The following GTF3C1 variants were observed in gnomAD, a reference collection of about 807,000 sequenced individuals.
The protein encoded by GTF3C1 is general transcription factor 3C polypeptide 1.
Under a neutral mutation model 226.7 loss-of-function variants are expected in GTF3C1, and 57 were observed. That is an observed-to-expected ratio of 0.25 (90% confidence interval 0.20 to 0.31). The LOEUF (loss-of-function observed/expected upper bound fraction) is 0.31, where lower values mean the gene tolerates loss of function less well. GTF3C1 is among the 10% of genes least tolerant of loss of function. The probability of loss-of-function intolerance (pLI) is 1.00; values close to 1 mark genes in which losing one functional copy is unlikely to be tolerated. For synonymous variants in GTF3C1, 1,090 were observed against 1,084.8 expected (o/e 1.00, Z -0.09); for missense variants, 2,217 against 2,776.1 (o/e 0.80, Z 4.53).
Position 27,461,396 on chromosome 16 carries a change from C to T in GTF3C1, c.6284G>A (p.Arg2095His), listed in dbSNP as rs142271498. The T allele has an allele frequency of 1.4e-4, 224 of 1,613,482 alleles. No homozygotes were observed. The highest frequency in any genetic ancestry group is 4.7e-4 in the East Asian group (21 of 44,870). Residue 2095 changes from arginine (R) to histidine (H), a missense_variant, in exon 37 of 37, where the codon CGT becomes CAT. Arg to His is a conservative substitution (Grantham distance 29). Coordinates refer to ENST00000356183, the MANE Select transcript of GTF3C1 (RefSeq NM_001520.4). The surrounding 1 kb of genome is among the most constrained non-coding windows in gnomAD (Gnocchi z 5.3). ...PTLDCTLRLG[R>H]VFPHEVNWNK... The stretch of plus-strand genomic sequence containing the variant: ...CCAGTTGACCTCGTGGGGGAACACA[C>T]GGCCCAGCCGGAGGGTACAGTCCAA...
chr16:27,515,028 A>G (rs1038418461), intron 6 of GTF3C1, among the ~76,000 whole-genome samples: 2 of 152,188 alleles, frequency 1.3e-5, no homozygotes, highest in African/African-American at 4.8e-5. Context: ...TTAAGAGGCT[A>G]ATTGGCTAGG....
At chr16:27,503,188 A>T (rs1014413386) in intron 10 of GTF3C1, among the ~76,000 whole-genome samples, 193 bp from the exon 11 acceptor site, 9 of 152,126 alleles carry the variant, frequency 5.9e-5, no homozygotes, top group Non-Finnish European at 1.0e-4. Context: ...AATCAAAGAC[A>T]TTGGCCAGCA....
chr16:27,471,335 G>A lies in GTF3C1; in HGVS notation c.4526+413C>T, dbSNP rs1036958849. 2.0e-5 allele frequency among the ~76,000 whole-genome samples: 3 copies of A among 152,192 alleles called. No individual in the cohort carries two copies. The highest frequency in any genetic ancestry group is 3.9e-4 in the East Asian group (2 of 5,190). On this transcript the variant is annotated intron_variant, in intron 30 of 36. Transcript: ENST00000356183. This position sits in a 1 kb window ranked among gnomAD's most constrained non-coding sequence, Gnocchi z 5.0. ...AGGATGCCTGTCTGAATGCACCTCC[G>A]CACCCCAATCCTGCACTGGCTGTTG... is the stretch of plus-strand genomic sequence containing the variant.
Position 27,495,483 on chromosome 16 carries a change from A to C in GTF3C1, c.2360T>G (p.Leu787Arg). 1.9e-6 allele frequency: 3 copies of C among 1,613,098 alleles called. No individual in the cohort carries two copies. Among genetic ancestry groups the C allele is most frequent in the Non-Finnish European group, 2.5e-6 (3 of 1,179,442 alleles). Residue 787 changes from leucine to arginine, a missense_variant, in exon 15 of 37, where the codon CTG becomes CGG. Coordinates refer to ENST00000356183, the MANE Select transcript of GTF3C1 (RefSeq NM_001520.4). ...GGGCAGAAATCCTAGAGAACGCCCC[A>C]GTCCGGGAACTAAAGCAAGAGAGGG... ...RNYHPIVVPG[L>R]GRSLGFLPKM...
intron 6 of GTF3C1, among the ~76,000 whole-genome samples, chr16:27,522,584 G>T (rs1211486087): frequency 6.6e-6 from 1 of 152,122 alleles, no homozygotes; most frequent in Non-Finnish European, 1.5e-5. Context: ...TAGCTCTCTG[G>T]GTCCCTTTGC....
At chr16:27,464,859 G>A (rs375324231) in intron 33 of GTF3C1, 23 bp from the exon 34 acceptor site, 85 of 1,490,808 alleles carry the variant, frequency 5.7e-5, no homozygotes, top group Non-Finnish European at 7.3e-5. Flanking sequence ...GAGACACGCG[G>A]GGTCTGTGGG....
At chr16:27,520,803 T>G (rs1424646218) in intron 6 of GTF3C1, among the ~76,000 whole-genome samples, 4 of 151,946 alleles carry the variant, frequency 2.6e-5, no homozygotes. Flanking sequence ...CACTGCAACC[T>G]CCGCCTCCCA....
Position 27,469,214 on chromosome 16 carries a change from G to A in GTF3C1, c.5074+77C>T. The A allele has an allele frequency of 1.4e-6, 2 of 1,422,630 alleles. No individual in the cohort carries two copies. Among genetic ancestry groups the A allele is most frequent in the Non-Finnish European group, 1.9e-6 (2 of 1,057,040 alleles). 88.1% of individuals were successfully genotyped at this position (1,422,630 alleles called of 1,614,324 possible). The stretch of plus-strand genomic sequence containing the variant: ...TGGCCTGGGGAGCCTGAAGGTCTAG[G>A]TCCCAGGCCAGGCCTCAGGGTCTTC... On this transcript the variant is annotated intron_variant, in intron 32 of 36. Transcript: ENST00000356183. This position sits in a 1 kb window ranked among gnomAD's most constrained non-coding sequence, Gnocchi z 4.5.
intron 6 of GTF3C1, among the ~76,000 whole-genome samples, chr16:27,512,795 T>C (rs182087848): frequency 1.6e-4 from 24 of 152,322 alleles, no homozygotes; most frequent in Non-Finnish European, 1.2e-4. Flanking sequence ...GAGCTACTCA[T>C]TTGGTTCCAA....
intron 1 of GTF3C1, among the ~76,000 whole-genome samples, chr16:27,546,515 T>C (rs2089166329): frequency 6.9e-6 from 1 of 145,554 alleles, no homozygotes; most frequent in South Asian, 2.1e-4. Context: ...TACATATATA[T>C]ATATATAATT....
intron 6 of GTF3C1, 122 bp from the exon 7 acceptor site, chr16:27,512,023 C>G: frequency 9.5e-7 from 1 of 1,050,038 alleles, no homozygotes; most frequent in Non-Finnish European, 1.4e-6. Flanking sequence ...AAAGGTCACA[C>G]ATATCACCGT....
In GTF3C1 at chr16:27,484,105, C is replaced by T. The variant is rs138655373; in HGVS notation, c.4001+106G>A. ...CCAGCAGACTCCAACACTTGGCCAG[C>T]CCATCAGACACCTCAGTGTGCTCCA... On this transcript the variant is annotated intron_variant, in intron 25 of 36. Coordinates refer to ENST00000356183, the MANE Select transcript of GTF3C1 (RefSeq NM_001520.4). 4,385 of 838,636 alleles carry T rather than the reference C, an allele frequency of 5.2e-3. 29 individuals are homozygous for T. Among genetic ancestry groups the T allele is most frequent in the South Asian group, 0.019 (1,263 of 65,370 alleles). 51.9% of individuals were successfully genotyped at this position (838,636 alleles called of 1,614,324 possible).
At chr16:27,531,668 G>C (rs938721841) in intron 5 of GTF3C1, among the ~76,000 whole-genome samples, 2 of 152,242 alleles carry the variant, frequency 1.3e-5, no homozygotes, top group Non-Finnish European at 2.9e-5. Flanking sequence ...TCCAGTAACA[G>C]TCAAGGCTTG....
Position 27,488,415 on chromosome 16 carries a change from C to T in GTF3C1, c.3512G>A (p.Gly1171Asp). ...CCCCCAAATATTCAACCTGCTGTTG[C>T]CTAGACATAATCACAGGAGACAACA... ...SKRPMPLSAR[G>D]NSRLNIWGEA... Residue 1171 changes from glycine (G) to aspartate (D), a missense_variant and splice_region_variant, in exon 23 of 37, where the codon GGC (glycine) becomes GAC (aspartate). Transcript: ENST00000356183. 1.2e-6 allele frequency: 2 copies of T among 1,608,298 alleles called. No individual in the cohort carries two copies. Among genetic ancestry groups the T allele is most frequent in the South Asian group, 1.1e-5 (1 of 90,942 alleles).
rs1245300775 is a variant in GTF3C1, at chr16:27,469,297, G to A, written c.5068C>T (p.Pro1690Ser). The A allele has an allele frequency of 6.4e-7, 1 of 1,561,900 alleles. No homozygotes were observed. Among genetic ancestry groups the A allele is most frequent in the East Asian group, 2.4e-5 (1 of 42,242 alleles). The change falls in exon 32 of 37, where the codon CCC (proline) becomes TCC (serine). Residue 1690 changes from proline (P) to serine (S), a missense_variant. Pro to Ser is a moderately conservative substitution (Grantham distance 74). Coordinates refer to ENST00000356183, the MANE Select transcript of GTF3C1 (RefSeq NM_001520.4). The surrounding 1 kb of genome is among the most constrained non-coding windows in gnomAD (Gnocchi z 4.5). Reference protein sequence around the residue: ...RCTPVPARLRPAAAPLEELTM... With the variant: ...RCTPVPARLRSAAAPLEELTM... ...CACCAGCAGGAGCACTCACCAGCGG[G>A]CCTGAGCCGGGCGGGCACAGGGGTG...
chr16:27,463,262 G>A lies in GTF3C1; in HGVS notation c.5924+279C>T, dbSNP rs1255999789. Reference sequence around the variant, plus strand: ...CTGTGGGCCATGAGGAGCCAGTGAAGCACAGCTGACAGCACCAGGCATGGT... The same window carrying A: ...CTGTGGGCCATGAGGAGCCAGTGAAACACAGCTGACAGCACCAGGCATGGT... On this transcript the variant is annotated intron_variant, in intron 35 of 36. Coordinates refer to ENST00000356183, the MANE Select transcript of GTF3C1 (RefSeq NM_001520.4). This position sits in a 1 kb window ranked among gnomAD's most constrained non-coding sequence, Gnocchi z 4.9. 6.3e-6 allele frequency: 3 copies of A among 477,420 alleles called. No individual in the cohort carries two copies. The highest frequency in any genetic ancestry group is 7.7e-5 in the East Asian group (2 of 25,988). 29.6% of individuals were successfully genotyped at this position (477,420 alleles called of 1,614,324 possible).
In GTF3C1 at chr16:27,476,491, G is replaced by A. The variant is rs750354717; in HGVS notation, c.4313C>T (p.Ala1438Val). ...VLQNLIQSTL[A>V]LSDSQMKSYQ... Reference sequence around the variant, plus strand: ...GGACTTCATCTGACTGTCTGAGAGGGCCAGCGTGCTCTGGATCAGGTTCTG... The same window carrying A: ...GGACTTCATCTGACTGTCTGAGAGGACCAGCGTGCTCTGGATCAGGTTCTG... Residue 1438 changes from alanine (A) to valine (V), a missense_variant, in exon 29 of 37, where the codon GCC (alanine) becomes GTC (valine). This residue lies in a region of GTF3C1 where 546 missense variants were observed against 663.0 expected (regional missense o/e 0.82). Transcript: ENST00000356183. 2 of 1,613,096 alleles carry A rather than the reference G, an allele frequency of 1.2e-6. No homozygotes were observed. Among genetic ancestry groups the A allele is most frequent in the Admixed American group, 1.7e-5 (1 of 60,016 alleles).
At chr16:27,490,951 T>C (rs999111471) in intron 19 of GTF3C1, among the ~76,000 whole-genome samples, 4 of 152,150 alleles carry the variant, frequency 2.6e-5, no homozygotes, top group Non-Finnish European at 5.9e-5. Context: ...AATTCACCAA[T>C]TGTCAGGCCT....
intron 33 of GTF3C1, 96 bp from the exon 34 acceptor site, chr16:27,464,932 G>T: frequency 1.2e-5 from 13 of 1,080,340 alleles, no homozygotes; most frequent in Non-Finnish European, 1.5e-5. Flanking sequence ...TGACTGGCGG[G>T]TTGAGTGCCC....
Sources: allele counts gnomAD v4.1 joint callset (sites outside exome capture counted in the v4.1 genomes callset), GRCh38; gene constraint gnomAD v4.1.1; regional missense constraint gnomAD v4.1.1; non-coding constraint Gnocchi (gnomAD v3.1); transcripts MANE v1.5; gene names NCBI Gene and HGNC (gene_info 2026-07-23, HGNC 2026-07-21).